Variants in GNG2 observed in about 807,000 individuals in gnomAD.
GNG2 encodes the protein guanine nucleotide-binding protein G(I)/G(S)/G(O) subunit gamma-2.
GNG2 carries 5 observed loss-of-function variants against 5.5 expected under a neutral mutation model. The observed-to-expected ratio is 0.91, with a 90% CI of 0.48 to 1.92. The LOEUF is 1.92. Ranked by LOEUF, GNG2 falls within the 30% of genes most tolerant of loss-of-function variation. The pLI is 0.01. For synonymous variants in GNG2, 28 were observed against 32.0 expected (o/e 0.88, Z 0.42); for missense variants, 55 against 88.4 (o/e 0.62, Z 1.52).
At chr14:51,914,100 A>G (rs1192620321) in intron 2 of GNG2, 4 of 627,404 alleles carry the variant, frequency 6.4e-6, no homozygotes, top group Non-Finnish European at 1.2e-5. Flanking sequence ...CTTTTTATCT[A>G]CTTTTGCAGA....
At chr14:51,922,100 C>A (rs1887047698) in intron 2 of GNG2, among the ~76,000 whole-genome samples, 3 of 152,168 alleles carry the variant, frequency 2.0e-5, no homozygotes, top group Admixed American at 2.0e-4. Context: ...CTTCCACTTT[C>A]TGTGTGTATA....
In GNG2 at chr14:51,968,821, A is replaced by G. The variant is rs564578902; in HGVS notation, c.*2134A>G. On this transcript the variant is annotated 3_prime_UTR_variant, in exon 4 of 4. Coordinates refer to ENST00000556766, the MANE Select transcript of GNG2 (RefSeq NM_053064.5). ...CTTTGGTGGTGACTGAGGCATCATT[A>G]GAAGGCCCAGACGATTTCCACTATT... 5 of 152,350 alleles carry G rather than the reference A, an allele frequency of 3.3e-5. No homozygotes were observed. The East Asian group carries it at 9.6e-4, about 29-fold the overall frequency. The allele number at this position is 152,350 out of a possible 1,614,324, so 9.4% of individuals were successfully genotyped here.
intron 2 of GNG2, among the ~76,000 whole-genome samples, chr14:51,935,753 C>T (rs1464941363): frequency 1.3e-5 from 2 of 152,142 alleles, no homozygotes; most frequent in Non-Finnish European, 2.9e-5. Flanking sequence ...GCACCGGCAT[C>T]TGCTCGGTTT....
intron 2 of GNG2, among the ~76,000 whole-genome samples, chr14:51,905,303 C>T (rs147635440): frequency 4.7e-4 from 72 of 152,248 alleles, no homozygotes; most frequent in African/African-American, 1.5e-3. Flanking sequence ...ATTTGTTTTA[C>T]GTTTTTATTG....
At chr14:51,895,648 G>A (rs1304389477) in intron 2 of GNG2, among the ~76,000 whole-genome samples, 2 of 152,162 alleles carry the variant, frequency 1.3e-5, no homozygotes, top group Non-Finnish European at 2.9e-5. Flanking sequence ...AATTATCCAG[G>A]CAAGATGTCA....
intron 2 of GNG2, among the ~76,000 whole-genome samples, chr14:51,887,208 C>T (rs765742172): frequency 2.0e-5 from 3 of 152,122 alleles, no homozygotes; most frequent in Admixed American, 6.5e-5. Context: ...CCTCAACTTA[C>T]GGTTCAAGTT....
chr14:51,961,865 C>G (rs1889634297), intron 3 of GNG2, among the ~76,000 whole-genome samples: 1 of 151,986 alleles, frequency 6.6e-6, no homozygotes, highest in African/African-American at 2.4e-5. Flanking sequence ...AGGGGGAGGC[C>G]CAAAACATGC....
At chr14:51,843,802 C>T (rs1399233388) in intron 2 of GNG2, among the ~76,000 whole-genome samples, 1 of 152,178 alleles carries the variant, frequency 6.6e-6, no homozygotes, top group Non-Finnish European at 1.5e-5. Context: ...CCCACCTCTT[C>T]AGTCCACCCC....
At chr14:51,947,649 C>T (rs969465507) in intron 2 of GNG2, among the ~76,000 whole-genome samples, 1 of 152,134 alleles carries the variant, frequency 6.6e-6, no homozygotes, top group Non-Finnish European at 1.5e-5. Context: ...GACTAATGCT[C>T]TCCAGAATTA....
chr14:51,847,791 T>C (rs373045552), intron 2 of GNG2, among the ~76,000 whole-genome samples: 3 of 151,588 alleles, frequency 2.0e-5, no homozygotes, highest in Admixed American at 2.0e-4. Context: ...AAATTGAGAA[T>C]GTGCTCCTTG....
chr14:51,957,303 T>C (rs1442290464), intron 3 of GNG2, among the ~76,000 whole-genome samples: 6 of 152,182 alleles, frequency 3.9e-5, no homozygotes, highest in Non-Finnish European at 8.8e-5. Flanking sequence ...AAAATTTGAT[T>C]TTTTTCTCAA....
In GNG2 at chr14:51,967,543, C is replaced by T. The variant is rs760564523; in HGVS notation, c.*856C>T. The T allele has an allele frequency of 5.9e-5, 9 of 151,956 alleles. No individual in the cohort carries two copies. The highest frequency in any genetic ancestry group is 2.1e-4 in the South Asian group (1 of 4,812). The allele number at this position is 151,956 out of a possible 1,614,324, so 9.4% of individuals were successfully genotyped here. A position where few individuals can be genotyped will look rare whatever the true frequency, so the allele number is the denominator to read the frequency against. On this transcript the variant is annotated 3_prime_UTR_variant, in exon 4 of 4. Coordinates refer to ENST00000556766, the MANE Select transcript of GNG2 (RefSeq NM_053064.5). ...AAAGGAAATGAGAGGGAAAAGACCC[C>T]GGAGAGGGAAGAAAATCTCAGTATT...
At chr14:51,921,285 A>G (rs1212831102) in intron 2 of GNG2, among the ~76,000 whole-genome samples, 1 of 152,202 alleles carries the variant, frequency 6.6e-6, no homozygotes, top group Non-Finnish European at 1.5e-5. Context: ...AATTCAGTGA[A>G]TTAATCTAGT....
chr14:51,847,682 G>A (rs1881683179), intron 2 of GNG2, among the ~76,000 whole-genome samples: 2 of 152,012 alleles, frequency 1.3e-5, no homozygotes, highest in African/African-American at 2.4e-5. Context: ...TATCACAGAC[G>A]AGAGGGGCCA....
chr14:51,959,841 T>G (rs921881469), intron 3 of GNG2, among the ~76,000 whole-genome samples: 1 of 152,182 alleles, frequency 6.6e-6, no homozygotes, highest in Non-Finnish European at 1.5e-5. Flanking sequence ...CTTTTTTATT[T>G]TCTTATGAAC....
At chr14:51,845,947 C>T (rs1008246747) in intron 2 of GNG2, among the ~76,000 whole-genome samples, 14 of 152,146 alleles carry the variant, frequency 9.2e-5, no homozygotes, top group Admixed American at 6.5e-4. Flanking sequence ...AGTTTTGTCT[C>T]GACATCACTG....
At chr14:51,938,861 C>T (rs1888161133) in intron 2 of GNG2, among the ~76,000 whole-genome samples, 1 of 152,086 alleles carries the variant, frequency 6.6e-6, no homozygotes, top group Non-Finnish European at 1.5e-5. Context: ...ACAGGGGTTG[C>T]CTGAGGTTTG....
chr14:51,889,500 T>C (rs1884705192), intron 2 of GNG2, among the ~76,000 whole-genome samples: 1 of 152,216 alleles, frequency 6.6e-6, no homozygotes, highest in South Asian at 2.1e-4. Context: ...AACACTGAAT[T>C]GTATACCTTC....
At chr14:51,838,681 T>C (rs1247230282) in intron 2 of GNG2, among the ~76,000 whole-genome samples, 1 of 152,226 alleles carries the variant, frequency 6.6e-6, no homozygotes, top group Non-Finnish European at 1.5e-5. Flanking sequence ...CTCCCGTTTA[T>C]ATATACATCT....
Sources: gnomAD v4.1 joint callset for allele counts (sites outside exome capture counted in the v4.1 genomes callset) on GRCh38, gnomAD v4.1.1 for gene constraint, MANE v1.5 for transcripts, NCBI Gene and HGNC (gene_info 2026-07-23, HGNC 2026-07-21) for gene names.